DNAJC13: variants seen among roughly 807,000 people sequenced by gnomAD.
DNAJC13 encodes the protein dnaJ homolog subfamily C member 13.
In DNAJC13, 75 loss-of-function variants were observed where a neutral mutation model predicts 290.5. The observed-to-expected ratio is 0.26, with a 90% CI of 0.21 to 0.31. DNAJC13 has a LOEUF of 0.31. Ranked by LOEUF, DNAJC13 falls within the 10% of genes least tolerant of loss-of-function variation. DNAJC13 has a pLI of 1.00. For missense variants in DNAJC13, 2,260 were observed against 2,674.5 expected, an observed-to-expected ratio of 0.85 and a Z score of 3.42; for synonymous variants, 862 against 892.0, an observed-to-expected ratio of 0.97 and a Z score of 0.60.
At position 132,484,493 on chromosome 3, in the gene DNAJC13, G is replaced by T. The variant is rs568942789; in HGVS notation, c.3183-95G>T. 21 of 1,136,320 alleles carry T rather than the reference G, an allele frequency of 1.8e-5. No homozygotes were observed. The East Asian group carries it at 4.8e-4, about 26-fold the overall frequency. 70.4% of individuals were successfully genotyped at this position (1,136,320 alleles called of 1,614,324 possible). A position where few individuals can be genotyped will look rare whatever the true frequency, so the allele number is the denominator to read the frequency against. Reference sequence around the variant, plus strand: ...TTAGTCTTCATTAACAAAAAAGTAAGGTAACCTGCTTCATGCCTAGTAGAA... The same window carrying T: ...TTAGTCTTCATTAACAAAAAAGTAATGTAACCTGCTTCATGCCTAGTAGAA... On this transcript the variant is annotated intron_variant, in intron 28 of 55. Coordinates refer to ENST00000260818, the MANE Select transcript of DNAJC13 (RefSeq NM_015268.4).
intron 5 of DNAJC13, 64 bp downstream of exon 5, chr3:132,448,003 C>G (rs1420174584): frequency 1.7e-6 from 2 of 1,160,078 alleles, no homozygotes; most frequent in Non-Finnish European, 2.5e-6. Context: ...TTGTAGAAAT[C>G]ATTTCATAAT....
chr3:132,478,203 A>T (rs1183054224), intron 24 of DNAJC13, 63 bp downstream of exon 24: 1 of 1,393,024 alleles, frequency 7.2e-7, no homozygotes, highest in Non-Finnish European at 9.7e-7. Context: ...GTTAAATTTT[A>T]AAAACTAAAT....
Position 132,456,392 on chromosome 3 carries a change from A to G in DNAJC13, c.1090A>G (p.Thr364Ala). ...GAGCCTTCACCTCAGGTTCTTAGCT[A>G]CGCCTCCAAGTAAGTATTGATTTAA... is the stretch of plus-strand genomic sequence containing the variant. ...VESLHLRFLATPPNGNFADAV... is the reference protein window; with the variant it reads ...VESLHLRFLAAPPNGNFADAV... The change falls in exon 10 of 56, where the codon ACG becomes GCG. Residue 364 changes from threonine to alanine, a missense_variant. Physicochemically the swap from Thr to Ala is moderately conservative, Grantham distance 58. Transcript: ENST00000260818. The G allele has an allele frequency of 1.2e-6, 2 of 1,612,854 alleles. No homozygotes were observed. The highest frequency in any genetic ancestry group is 1.1e-5 in the South Asian group (1 of 90,818).
At chr3:132,516,188 A>G (rs1935915276) in intron 46 of DNAJC13, among the ~76,000 whole-genome samples, 1 of 152,186 alleles carries the variant, frequency 6.6e-6, no homozygotes, top group Non-Finnish European at 1.5e-5. Flanking sequence ...GCAGACCTGC[A>G]TACAAAACTC....
intron 13 of DNAJC13, 27 bp downstream of exon 13, chr3:132,457,395 T>C: frequency 1.3e-6 from 2 of 1,576,846 alleles, no homozygotes; most frequent in South Asian, 2.3e-5. Context: ...TTAAGGAAAC[T>C]GGTTTTTCTT....
intron 1 of DNAJC13, among the ~76,000 whole-genome samples, chr3:132,433,905 C>A (rs767359161): frequency 6.6e-5 from 10 of 152,130 alleles, no homozygotes; most frequent in Non-Finnish European, 4.4e-5. Flanking sequence ...ATAGACCAGT[C>A]CCCGTCTTTA....
chr3:132,488,834 T>A (rs1934969081), intron 30 of DNAJC13, 142 bp from the exon 31 acceptor site: 1 of 642,288 alleles, frequency 1.6e-6, no homozygotes, highest in Non-Finnish European at 2.7e-6. Flanking sequence ...ATTCAGAAAT[T>A]AAATAATTTG....
chr3:132,467,939 T>G (rs1388076837), intron 20 of DNAJC13, among the ~76,000 whole-genome samples: 1 of 152,240 alleles, frequency 6.6e-6, no homozygotes, highest in African/African-American at 2.4e-5. Context: ...TCTTCCCTTC[T>G]TCTCTGGACT....
intron 1 of DNAJC13, among the ~76,000 whole-genome samples, chr3:132,424,786 A>G (rs1483262753): frequency 1.3e-5 from 2 of 152,114 alleles, no homozygotes; most frequent in African/African-American, 4.8e-5. Flanking sequence ...GATGGTAGGT[A>G]CTAAAATCTT....
At chr3:132,462,147 T>A (rs1933818382) in intron 15 of DNAJC13, among the ~76,000 whole-genome samples, 1 of 152,192 alleles carries the variant, frequency 6.6e-6, no homozygotes, top group South Asian at 2.1e-4. Flanking sequence ...ACTTATTAGA[T>A]ACATGTATGT....
chr3:132,423,948 G>T (rs1475248551), intron 1 of DNAJC13, among the ~76,000 whole-genome samples: 1 of 152,154 alleles, frequency 6.6e-6, no homozygotes, highest in Non-Finnish European at 1.5e-5. Flanking sequence ...CCATAGTAGA[G>T]CATGATTATT....
intron 1 of DNAJC13, among the ~76,000 whole-genome samples, chr3:132,427,075 ATGTG>A (rs10576541): frequency 0.11 from 14,838 of 140,582 alleles, 1,090 homozygotes; most frequent in African/African-American, 0.21. Context: ...ATATATACAT[ATGTG>A]TGTGTGTGTG....
At chr3:132,499,648 G>A (rs1935349216) in intron 37 of DNAJC13, 86 bp from the exon 38 acceptor site, 1 of 1,098,068 alleles carries the variant, frequency 9.1e-7, no homozygotes, top group Non-Finnish European at 1.4e-6. Flanking sequence ...ACATTAAAGG[G>A]TTATTTATAT....
At chr3:132,445,252 A>G (rs1933205578) in intron 2 of DNAJC13, among the ~76,000 whole-genome samples, 1 of 152,122 alleles carries the variant, frequency 6.6e-6, no homozygotes, top group Non-Finnish European at 1.5e-5. Flanking sequence ...ATTTTTGATA[A>G]TTAAAAAAAT....
At chr3:132,493,403 T>C (rs1448607722) in intron 33 of DNAJC13, among the ~76,000 whole-genome samples, 1 of 152,014 alleles carries the variant, frequency 6.6e-6, no homozygotes, top group Non-Finnish European at 1.5e-5. Flanking sequence ...TAGACTCTGG[T>C]ACTTATTCAG....
chr3:132,469,928 A>G (rs1934130538), intron 20 of DNAJC13, among the ~76,000 whole-genome samples: 1 of 113,406 alleles, frequency 8.8e-6, no homozygotes, highest in South Asian at 3.0e-4. Context: ...TTCATATCTG[A>G]TGTATATACA....
chr3:132,524,532 G>A (rs1460867461), intron 51 of DNAJC13, among the ~76,000 whole-genome samples: 1 of 152,194 alleles, frequency 6.6e-6, no homozygotes, highest in African/African-American at 2.4e-5. Flanking sequence ...TATATAGAAT[G>A]CTTAACATAA....
Position 132,538,500 on chromosome 3 carries a change from A to T in DNAJC13, c.*218A>T, listed in dbSNP as rs1936666545. On this transcript the variant is annotated 3_prime_UTR_variant, in exon 56 of 56. Transcript: ENST00000260818. Reference sequence around the variant, plus strand: ...GATCAACATAAGTGGGTACACAAGAATTTTTTTTTTCTTGGTGTATGTAAG... The same window carrying T: ...GATCAACATAAGTGGGTACACAAGATTTTTTTTTTTCTTGGTGTATGTAAG... The T allele has an allele frequency of 7.7e-6, 3 of 388,988 alleles. No homozygotes were observed. The highest frequency in any genetic ancestry group is 1.4e-5 in the Non-Finnish European group (3 of 219,998). The allele number at this position is 388,988 out of a possible 1,614,324, so 24.1% of individuals were successfully genotyped here. A position where few individuals can be genotyped will look rare whatever the true frequency, so the allele number is the denominator to read the frequency against.
chr3:132,428,434 T>C (rs1939160515), intron 1 of DNAJC13, among the ~76,000 whole-genome samples: 1 of 152,206 alleles, frequency 6.6e-6, no homozygotes, highest in Non-Finnish European at 1.5e-5. Flanking sequence ...GATCTCAGCC[T>C]CAGATCTCAT....
Sources: allele counts gnomAD v4.1 joint callset (sites outside exome capture counted in the v4.1 genomes callset), GRCh38; gene constraint gnomAD v4.1.1; transcripts MANE v1.5; gene names NCBI Gene and HGNC (gene_info 2026-07-23, HGNC 2026-07-21).